The following ESRRB variants were observed in gnomAD, a reference collection of about 807,000 sequenced individuals.
The protein encoded by ESRRB is steroid hormone receptor ERR2.
In ESRRB, 16 loss-of-function variants were observed where a neutral mutation model predicts 46.0. That is an observed-to-expected ratio of 0.35 (90% CI 0.24 to 0.53). The LOEUF is 0.53. Ranked by LOEUF, ESRRB falls within the 20% of genes least tolerant of loss-of-function variation. The probability of loss-of-function intolerance (pLI) is 0.93; values close to 1 mark genes in which losing one functional copy is unlikely to be tolerated. For missense variants in ESRRB, 488 were observed against 607.4 expected, an observed-to-expected ratio of 0.80 and a Z score of 2.07; for synonymous variants, 246 against 259.6, an observed-to-expected ratio of 0.95 and a Z score of 0.50.
At chr14:76,321,444 C>G (rs1160471172) in intron 1 of ESRRB, among the ~76,000 whole-genome samples, 1 of 152,162 alleles carries the variant, frequency 6.6e-6, no homozygotes, top group Non-Finnish European at 1.5e-5. Flanking sequence ...GACTTTAAAG[C>G]TTTAAGAATT....
chr14:76,457,250 T>G (rs1888651018), intron 2 of ESRRB, among the ~76,000 whole-genome samples: 1 of 152,084 alleles, frequency 6.6e-6, no homozygotes, highest in Non-Finnish European at 1.5e-5. Context: ...GCATCCACTC[T>G]GAGGTCTAGG....
intron 1 of ESRRB, among the ~76,000 whole-genome samples, chr14:76,431,662 C>G (rs1206414043): frequency 1.3e-5 from 2 of 152,142 alleles, no homozygotes; most frequent in Non-Finnish European, 2.9e-5. Context: ...TTGCTAAGCT[C>G]CAGTTAGGAG....
intron 2 of ESRRB, among the ~76,000 whole-genome samples, chr14:76,455,708 A>G (rs1426598900): frequency 6.6e-6 from 1 of 152,122 alleles, no homozygotes; most frequent in Non-Finnish European, 1.5e-5. Flanking sequence ...CAACCTTCAC[A>G]TTAGATTCAT....
intron 6 of ESRRB, among the ~76,000 whole-genome samples, chr14:76,494,430 C>T (rs968376208): frequency 6.6e-6 from 1 of 151,844 alleles, no homozygotes; most frequent in African/African-American, 2.4e-5. Context: ...CCTCAGCCTC[C>T]TTAGTAGCTG....
At chr14:76,355,616 C>T (rs34281030) in intron 1 of ESRRB, among the ~76,000 whole-genome samples, 1 of 152,056 alleles carries the variant, frequency 6.6e-6, no homozygotes, top group East Asian at 1.9e-4. Flanking sequence ...CTGGGTCCCC[C>T]TCACTGGACA....
intron 2 of ESRRB, among the ~76,000 whole-genome samples, chr14:76,441,885 A>G (rs1887937143): frequency 6.6e-6 from 1 of 152,200 alleles, no homozygotes; most frequent in African/African-American, 2.4e-5. Flanking sequence ...CACTGTCCCC[A>G]GAATGTACCT....
intron 1 of ESRRB, among the ~76,000 whole-genome samples, chr14:76,417,598 G>T (rs538658781): frequency 4.6e-5 from 7 of 152,196 alleles, no homozygotes; most frequent in Non-Finnish European, 1.0e-4. Flanking sequence ...CGCATTTCAA[G>T]CATATTTCAA....
At chr14:76,317,451 A>T (rs1280339832) in intron 1 of ESRRB, among the ~76,000 whole-genome samples, 1 of 151,880 alleles carries the variant, frequency 6.6e-6, no homozygotes. Context: ...CTATCATCCC[A>T]TGTGCATCTG....
chr14:76,425,754 G>A (rs1053666333), intron 1 of ESRRB, among the ~76,000 whole-genome samples: 9 of 152,006 alleles, frequency 5.9e-5, no homozygotes, highest in Non-Finnish European at 5.9e-5. Flanking sequence ...TGTTGCCCAG[G>A]CTGGAGTGCA....
At chr14:76,419,763 A>G (rs887904016) in intron 1 of ESRRB, among the ~76,000 whole-genome samples, 4 of 152,194 alleles carry the variant, frequency 2.6e-5, no homozygotes, top group African/African-American at 7.2e-5. Context: ...GAAGGTCAAG[A>G]ACCTGCTGAA....
Position 76,491,689 on chromosome 14 carries a change from C to G in ESRRB, c.1093C>G (p.Leu365Val). ...GGTGGAGAAGGAGGAGTTTGTGACG[C>G]TCAAGGCCCTGGCCCTCGCCAACTC... is the stretch of plus-strand genomic sequence containing the variant. ...LKVEKEEFVT[L>V]KALALANSDS... Residue 365 changes from leucine to valine, a missense_variant, in exon 6 of 7, where the codon CTC becomes GTC. Physicochemically the swap from Leu to Val is conservative, Grantham distance 32. Coordinates refer to ENST00000644823, the MANE Select transcript of ESRRB (RefSeq NM_001379180.1). The G allele has an allele frequency of 1.3e-6, 2 of 1,584,724 alleles. No individual in the cohort carries two copies. Among genetic ancestry groups the G allele is most frequent in the Non-Finnish European group, 1.7e-6 (2 of 1,167,440 alleles).
chr14:76,316,799 G>C (rs181067214), intron 1 of ESRRB, among the ~76,000 whole-genome samples: 2 of 152,232 alleles, frequency 1.3e-5, no homozygotes, highest in Admixed American at 1.3e-4. Flanking sequence ...ATCTTCCCAG[G>C]AATTTTATTC....
chr14:76,397,170 T>C (rs1215862982), intron 1 of ESRRB, among the ~76,000 whole-genome samples: 1 of 152,196 alleles, frequency 6.6e-6, no homozygotes, highest in African/African-American at 2.4e-5. Flanking sequence ...CATTTCTCAT[T>C]GTTATTCCTT....
intron 1 of ESRRB, among the ~76,000 whole-genome samples, chr14:76,426,789 G>C (rs1887220871): frequency 6.6e-6 from 1 of 152,148 alleles, no homozygotes; most frequent in Non-Finnish European, 1.5e-5. Flanking sequence ...CCAGCAATTT[G>C]GGAGGCTGAA....
At chr14:76,328,564 C>G (rs1294634161) in intron 1 of ESRRB, among the ~76,000 whole-genome samples, 1 of 149,512 alleles carries the variant, frequency 6.7e-6, no homozygotes, top group Non-Finnish European at 1.5e-5. Flanking sequence ...CCTCCCAGGG[C>G]TCACACCCAC....
chr14:76,347,826 T>A (rs990968239), intron 1 of ESRRB, among the ~76,000 whole-genome samples: 1 of 31,578 alleles, frequency 3.2e-5, no homozygotes, highest in Non-Finnish European at 7.0e-5. Flanking sequence ...ACCAGTCAGA[T>A]CACCAATGGG....
rs182701130 is a variant in ESRRB, at chr14:76,334,466, G to A, written c.2+23550G>A. 9.2e-5 allele frequency among the ~76,000 whole-genome samples: 14 copies of A among 152,298 alleles called. No homozygotes were observed. In the East Asian group the frequency reaches 1.9e-3, roughly 21 times the overall value. On this transcript the variant is annotated intron_variant, in intron 1 of 6. Transcript: ENST00000512784. The stretch of plus-strand genomic sequence containing the variant: ...CTGTTGCAGCCTCGCGCTCACAGCC[G>A]CCTGGGAAGCACAGGGCATCAGCTG...
intron 1 of ESRRB, among the ~76,000 whole-genome samples, chr14:76,336,482 C>T (rs1438559950): frequency 1.3e-5 from 2 of 152,238 alleles, no homozygotes; most frequent in African/African-American, 2.4e-5. Flanking sequence ...TCTGCACCTG[C>T]CCCACTGCAG....
rs12891393 is a variant in ESRRB, at chr14:76,491,728, G to A, written c.1120+12G>A. The A allele has an allele frequency of 1.3e-5, 20 of 1,564,470 alleles. No individual in the cohort carries two copies. Among genetic ancestry groups the A allele is most frequent in the East Asian group, 9.2e-5 (4 of 43,420 alleles). On this transcript the variant is annotated intron_variant, in intron 6 of 6. Transcript: ENST00000644823. Reference sequence around the variant, plus strand: ...CCTCGCCAACTCCGGTAAGGGCGGCGGCGGGGCCTGGAAGGGGAGCTTCTA... The same window carrying A: ...CCTCGCCAACTCCGGTAAGGGCGGCAGCGGGGCCTGGAAGGGGAGCTTCTA...
Sources: gnomAD v4.1 joint callset for allele counts (sites outside exome capture counted in the v4.1 genomes callset) on GRCh38, gnomAD v4.1.1 for gene constraint, MANE v1.5 for transcripts, NCBI Gene and HGNC (gene_info 2026-07-23, HGNC 2026-07-21) for gene names.